Variants in PCDH15 observed in about 807,000 individuals in gnomAD.
The protein encoded by PCDH15 is protocadherin-15.
Under a neutral mutation model 178.5 loss-of-function variants are expected in PCDH15, and 129 were observed. The ratio of observed to expected loss-of-function variants is 0.72; its 90% CI spans 0.63 to 0.84. The LOEUF is 0.84. Ranked by LOEUF, PCDH15 falls within the 40% of genes least tolerant of loss-of-function variation. The pLI, the probability that PCDH15 is intolerant of heterozygous loss-of-function variation, is 0.00. For synonymous variants in PCDH15, 800 were observed against 732.0 expected, an observed-to-expected ratio of 1.09 and a Z score of -1.50; for missense variants, 2,230 against 2,099.9, an observed-to-expected ratio of 1.06 and a Z score of -1.21.
intron 2 of PCDH15, among the ~76,000 whole-genome samples, chr10:54,982,975 A>G (rs1040397925): frequency 6.6e-6 from 1 of 152,050 alleles, no homozygotes; most frequent in Non-Finnish European, 1.5e-5. Context: ...TGACCCCCCA[A>G]AATAGAGCTA....
chr10:54,977,776 A>T (rs1466555362), intron 2 of PCDH15, among the ~76,000 whole-genome samples: 2 of 152,154 alleles, frequency 1.3e-5, no homozygotes, highest in Non-Finnish European at 2.9e-5. Context: ...GGTCTGGATC[A>T]GGATCCCTTT....
In PCDH15 at chr10:54,898,689, A is replaced by G. The variant is rs188609551; in HGVS notation, c.-79-1189T>C. Among the ~76,000 whole-genome samples the G allele has an allele frequency of 3.2e-4, 48 of 152,234 alleles. 1 individual carries two copies. The highest frequency in any genetic ancestry group is 3.4e-3 in the Middle Eastern group (1 of 294). ...TTATTTACTCCCTGGAATGAGGCAG[A>G]CTCCTATGAAAGCACTTTCCTTTTT... On this transcript the variant is annotated intron_variant, in intron 2 of 5. Transcript: ENST00000458638.
chr10:55,199,247 T>C (rs2132156448), intron 1 of PCDH15, among the ~76,000 whole-genome samples: 1 of 152,174 alleles, frequency 6.6e-6, no homozygotes, highest in South Asian at 2.1e-4. Flanking sequence ...CAGATGGAGA[T>C]GAAAAAGTTA....
chr10:55,303,352 G>A (rs939003755), intron 1 of PCDH15, among the ~76,000 whole-genome samples: 2 of 152,132 alleles, frequency 1.3e-5, no homozygotes, highest in African/African-American at 4.8e-5. Context: ...GTAGTTTACT[G>A]TTGACATTAA....
chr10:55,032,057 A>G (rs2131967233), intron 2 of PCDH15, among the ~76,000 whole-genome samples: 1 of 152,292 alleles, frequency 6.6e-6, no homozygotes, highest in Middle Eastern at 3.4e-3. Context: ...ATATAAACTG[A>G]AAATTACGGG....
At chr10:54,253,697 T>C (rs2056682364) in intron 8 of PCDH15, among the ~76,000 whole-genome samples, 1 of 152,078 alleles carries the variant, frequency 6.6e-6, no homozygotes, top group Non-Finnish European at 1.5e-5. Flanking sequence ...AATATTAAAA[T>C]AATTTTGTCA....
chr10:54,739,694 G>A (rs373186274), intron 1 of PCDH15, among the ~76,000 whole-genome samples: 1 of 151,786 alleles, frequency 6.6e-6, no homozygotes, highest in South Asian at 2.1e-4. Flanking sequence ...ATACACATAA[G>A]CCAATGTAAC....
chr10:53,859,482 G>A (rs911695402), intron 27 of PCDH15, among the ~76,000 whole-genome samples: 1 of 152,072 alleles, frequency 6.6e-6, no homozygotes, highest in Non-Finnish European at 1.5e-5. Flanking sequence ...CTGTCTCCTG[G>A]TCTGGTAAGC....
intron 2 of PCDH15, among the ~76,000 whole-genome samples, chr10:54,949,116 T>G (rs1374411909): frequency 1.3e-5 from 2 of 151,984 alleles, no homozygotes; most frequent in African/African-American, 4.8e-5. Context: ...TGATTTCATC[T>G]AAAATGCATA....
intron 2 of PCDH15, among the ~76,000 whole-genome samples, chr10:55,608,416 C>G (rs1480150676): frequency 6.6e-6 from 1 of 151,284 alleles, no homozygotes; most frequent in Non-Finnish European, 1.5e-5. Context: ...AGTCTCATCT[C>G]CTTTAACACA....
chr10:55,140,193 T>C (rs1838308965), intron 2 of PCDH15, among the ~76,000 whole-genome samples: 1 of 151,946 alleles, frequency 6.6e-6, no homozygotes, highest in South Asian at 2.1e-4. Flanking sequence ...TTTAAGAGTT[T>C]CCATATAAAT....
chr10:54,585,181 TA>T (rs1441680569), intron 2 of PCDH15, among the ~76,000 whole-genome samples: 1 of 151,750 alleles, frequency 6.6e-6, no homozygotes, highest in Admixed American at 6.6e-5. Flanking sequence ...CCTAAAGGTT[TA>T]GATTAAATAA....
chr10:54,344,936 A>G (rs1398708981), intron 6 of PCDH15, among the ~76,000 whole-genome samples: 5 of 146,518 alleles, frequency 3.4e-5, no homozygotes, highest in East Asian at 3.9e-4. Flanking sequence ...ACAAGACTCT[A>G]AAATCTGACC....
chr10:55,064,739 T>C (rs1361870172), intron 2 of PCDH15, among the ~76,000 whole-genome samples: 1 of 152,066 alleles, frequency 6.6e-6, no homozygotes, highest in African/African-American at 2.4e-5. Context: ...TACTTCTAAT[T>C]CTCTTCATCA....
At chr10:54,972,492 A>T (rs1024576640) in intron 2 of PCDH15, among the ~76,000 whole-genome samples, 13 of 151,776 alleles carry the variant, frequency 8.6e-5, no homozygotes, top group African/African-American at 2.9e-4. Context: ...GTGAGCTGAG[A>T]TCGCGTTATT....
chr10:54,279,175 A>G (rs34168515), intron 8 of PCDH15, among the ~76,000 whole-genome samples: 45,215 of 151,334 alleles, frequency 0.3, 7,415 homozygotes, highest in Middle Eastern at 0.39. Flanking sequence ...ACAAATAAGT[A>G]AATATTGAAA....
intron 15 of PCDH15, among the ~76,000 whole-genome samples, chr10:54,118,003 A>C (rs1215865492): frequency 1.3e-5 from 2 of 152,174 alleles, no homozygotes; most frequent in African/African-American, 2.4e-5. Flanking sequence ...TATTACTATA[A>C]AGCTACCAAT....
chr10:55,323,051 G>A (rs2132301655), upstream of PCDH15, among the ~76,000 whole-genome samples: 1 of 152,274 alleles, frequency 6.6e-6, no homozygotes, highest in East Asian at 1.9e-4. Context: ...GCTAAAAGGG[G>A]CCAACTTGAA....
At chr10:54,906,553 T>A (rs1356068241) in intron 2 of PCDH15, among the ~76,000 whole-genome samples, 1 of 152,176 alleles carries the variant, frequency 6.6e-6, no homozygotes, top group South Asian at 2.1e-4. Context: ...ATTTGAGGAT[T>A]GTTTGAAATA....
Sources: allele counts gnomAD v4.1 joint callset (sites outside exome capture counted in the v4.1 genomes callset), GRCh38; gene constraint gnomAD v4.1.1; transcripts MANE v1.5; gene names NCBI Gene and HGNC (gene_info 2026-07-23, HGNC 2026-07-21).